Variants in OTOF observed in about 807,000 individuals in gnomAD.
The protein encoded by OTOF is otoferlin.
Under a neutral mutation model 236.8 loss-of-function variants are expected in OTOF, and 218 were observed. The ratio of observed to expected loss-of-function variants is 0.92; its 90% CI spans 0.82 to 1.03. The LOEUF (loss-of-function observed/expected upper bound fraction) is 1.03. Ranked by LOEUF, OTOF falls within the 50% of genes least tolerant of loss-of-function variation. OTOF has a pLI of 0.00. For synonymous variants in OTOF, 1,041 were observed against 1,072.5 expected (o/e 0.97, Z 0.57); for missense variants, 2,590 against 2,694.4 (o/e 0.96, Z 0.86).
At position 26,473,864 on chromosome 2, in the gene OTOF, G is replaced by A; in HGVS notation, c.3408+127C>T. ...TGCAGATGGGGGCAGGCCCTGGGCTGGGGCAGGAGCCTGGGTCTGCTGCTG... is the reference window on the plus strand; with the variant it reads ...TGCAGATGGGGGCAGGCCCTGGGCTAGGGCAGGAGCCTGGGTCTGCTGCTG... On this transcript the variant is annotated intron_variant, in intron 27 of 46. Coordinates refer to ENST00000272371, the MANE Select transcript of OTOF (RefSeq NM_194248.3). This position sits in a 1 kb window ranked among gnomAD's most constrained non-coding sequence, Gnocchi z 7.2. The A allele has an allele frequency of 7.7e-7, 1 of 1,291,608 alleles. No homozygotes were observed. Among genetic ancestry groups the A allele is most frequent in the Non-Finnish European group, 1.1e-6 (1 of 893,232 alleles). 80.0% of individuals were successfully genotyped at this position (1,291,608 alleles called of 1,614,324 possible). A position where few individuals can be genotyped will look rare whatever the true frequency, so the allele number is the denominator to read the frequency against.
At chr2:26,532,873 G>C (rs4665872) in intron 2 of OTOF, among the ~76,000 whole-genome samples, 107,395 of 152,078 alleles carry the variant, frequency 0.71, 39,371 homozygotes, top group African/African-American at 0.84. Flanking sequence ...TGGCCGCTGA[G>C]TGGGCCTGGA....
chr2:26,465,010 G>A lies in OTOF; in HGVS notation c.4819C>T (p.Arg1607Trp), dbSNP rs397515603. 5.4e-6 allele frequency: 8 copies of A among 1,488,182 alleles called. No individual in the cohort carries two copies. Among genetic ancestry groups the A allele is most frequent in the African/African-American group, 2.9e-5 (2 of 69,878 alleles). The allele number at this position is 1,488,182 out of a possible 1,614,324, so 92.2% of individuals were successfully genotyped here. ...ATCTGGCTGGGCTTCATGGGGTCCC[G>A]CCAGATATTGTAGCCATGTCTGTGG... ...TYSTHGYNIWRDPMKPSQILT... is the reference protein window; with the variant it reads ...TYSTHGYNIWWDPMKPSQILT... The change falls in exon 39 of 47, where the codon CGG becomes TGG. Residue 1607 changes from arginine (R) to tryptophan (W), a missense_variant. This residue lies in a region of OTOF where 1,211 missense variants were observed against 1,352.8 expected (regional missense o/e 0.90). Transcript: ENST00000272371.
intron 5 of OTOF, among the ~76,000 whole-genome samples, chr2:26,505,241 T>C (rs1666218532): frequency 6.6e-6 from 1 of 152,160 alleles, no homozygotes; most frequent in African/African-American, 2.4e-5. Context: ...AGCATGTTCT[T>C]TGAATTCCTA....
chr2:26,477,929 A>G lies in OTOF; in HGVS notation c.2215-180T>C, dbSNP rs1281202229. Reference sequence around the variant, plus strand: ...TCAATTTCCCAGGTTCTGTTCTCAGAACCTGGAGATGTTGGTGTTCATGGG... The same window carrying G: ...TCAATTTCCCAGGTTCTGTTCTCAGGACCTGGAGATGTTGGTGTTCATGGG... On this transcript the variant is annotated intron_variant, in intron 18 of 46. Coordinates refer to ENST00000272371, the MANE Select transcript of OTOF (RefSeq NM_194248.3). The surrounding 1 kb of genome is among the most constrained non-coding windows in gnomAD (Gnocchi z 4.7). 1 of 1,487,152 alleles carries G rather than the reference A, an allele frequency of 6.7e-7. No individual in the cohort carries two copies. Among genetic ancestry groups the G allele is most frequent in the South Asian group, 1.3e-5 (1 of 75,958 alleles). The allele number at this position is 1,487,152 out of a possible 1,614,324, so 92.1% of individuals were successfully genotyped here.
At position 26,483,539 on chromosome 2, in the gene OTOF, T is replaced by G; in HGVS notation, c.1315A>C (p.Asn439His). The change falls in exon 13 of 47, where the codon AAT becomes CAT. Residue 439 changes from asparagine (N) to histidine (H), a missense_variant. Physicochemically the swap from Asn to His is moderately conservative, Grantham distance 68 (BLOSUM62 1). Around this residue, in one of 2 missense-constraint regions of OTOF, gnomAD observed 1,379 missense variants for 1,341.6 expected, o/e 1.03. Coordinates refer to ENST00000272371, the MANE Select transcript of OTOF (RefSeq NM_194248.3). ...TCACCGATGAAAGCCTTCTTTACAT[T>G]GGCCATGAGGCTTGTGTTCATACGG... ...LPRMNTSLMANVKKAFIGENK... is the reference protein window; with the variant it reads ...LPRMNTSLMAHVKKAFIGENK... 6.2e-7 allele frequency: 1 copy of G among 1,614,000 alleles called. No individual in the cohort carries two copies. Among genetic ancestry groups the G allele is most frequent in the Non-Finnish European group, 8.5e-7 (1 of 1,180,002 alleles).
intron 1 of OTOF, among the ~76,000 whole-genome samples, chr2:26,539,001 C>T (rs1237649313): frequency 1.3e-5 from 2 of 151,892 alleles, no homozygotes; most frequent in Admixed American, 6.6e-5. Flanking sequence ...TTAGTAGAGA[C>T]GGGGTTTCAC....
At chr2:26,483,864 G>A (rs553573825) in intron 12 of OTOF, among the ~76,000 whole-genome samples, 129 of 152,358 alleles carry the variant, frequency 8.5e-4, no homozygotes, top group Admixed American at 2.1e-3. Context: ...CTGTTGAGGT[G>A]GCTGTAATAA....
Position 26,537,706 on chromosome 2 carries a change from G to T in OTOF, c.138+10C>A. 6.5e-7 allele frequency: 1 copy of T among 1,550,300 alleles called. No individual in the cohort carries two copies. Among genetic ancestry groups the T allele is most frequent in the South Asian group, 1.2e-5 (1 of 84,070 alleles). Reference sequence around the variant, plus strand: ...AGGGCTGAGGGAGGGGGGAGTCTTGGGCCTCCTACCTCATCAAAGTCAGCC... The same window carrying T: ...AGGGCTGAGGGAGGGGGGAGTCTTGTGCCTCCTACCTCATCAAAGTCAGCC... On this transcript the variant is annotated intron_variant, in intron 2 of 46. Transcript: ENST00000272371.
intron 14 of OTOF, 102 bp downstream of exon 14, chr2:26,482,304 C>G (rs961915256): frequency 2.4e-5 from 27 of 1,143,292 alleles, no homozygotes; most frequent in Non-Finnish European, 3.4e-5. Context: ...AGGCTGAGGA[C>G]CAGAGCTGAT....
chr2:26,558,116 C>T (rs1157551835), intron 1 of OTOF, among the ~76,000 whole-genome samples: 1 of 151,930 alleles, frequency 6.6e-6, no homozygotes, highest in Non-Finnish European at 1.5e-5. Flanking sequence ...GGCCCCCACC[C>T]TGTGCTCAAG....
rs1310422187 is a variant in OTOF at position 26,480,914 on chromosome 2, G to A, written c.1675C>T (p.Leu559=). ...GCCCGGAAGGACACACCCTCCCCCA[G>A]GCCCTCGTTCAGGTCCTGATGCTCA... ...LDEHQDLNEG[L]GEGVSFRARL... is the part of the protein sequence containing the mutation. Residue 559 remains leucine, a synonymous_variant, in exon 15 of 47, where the codon CTG becomes TTG. Coordinates refer to ENST00000272371, the MANE Select transcript of OTOF (RefSeq NM_194248.3). 6.2e-7 allele frequency: 1 copy of A among 1,612,924 alleles called. No individual in the cohort carries two copies. The highest frequency in any genetic ancestry group is 2.2e-5 in the East Asian group (1 of 44,898).
chr2:26,520,358 G>A (rs917483524), intron 3 of OTOF, among the ~76,000 whole-genome samples: 3 of 152,164 alleles, frequency 2.0e-5, no homozygotes, highest in Non-Finnish European at 4.4e-5. Context: ...GATGAATTCT[G>A]ACTCAGACAT....
chr2:26,472,378 T>A (rs1375172241), intron 30 of OTOF, 141 bp downstream of exon 30: 1 of 1,041,634 alleles, frequency 9.6e-7, no homozygotes, highest in African/African-American at 1.6e-5. Flanking sequence ...GGACACACAA[T>A]CAAGCTCAGC....
intron 8 of OTOF, among the ~76,000 whole-genome samples, chr2:26,500,664 C>T (rs1666095079): frequency 6.6e-6 from 1 of 152,164 alleles, no homozygotes; most frequent in Non-Finnish European, 1.5e-5. Flanking sequence ...CCTGGGAAGA[C>T]AGTTGCCTGA....
intron 36 of OTOF, chr2:26,466,467 G>T: frequency 1.8e-6 from 1 of 548,054 alleles, no homozygotes; most frequent in Non-Finnish European, 3.3e-6. Flanking sequence ...CTCCTCAGTA[G>T]CTGGGATTAC....
chr2:26,481,640 A>G (rs1413514200), intron 14 of OTOF, among the ~76,000 whole-genome samples: 1 of 152,196 alleles, frequency 6.6e-6, no homozygotes, highest in Admixed American at 6.5e-5. Flanking sequence ...TCACCCTTTT[A>G]AAGTGTACAT....
At position 26,498,150 on chromosome 2, in the gene OTOF, GT is replaced by G. The variant is rs555527907; in HGVS notation, c.766-3078del. Among the ~76,000 whole-genome samples the G allele has an allele frequency of 1.5e-3, 236 of 152,298 alleles. 1 individual carries two copies. Among genetic ancestry groups the G allele is most frequent in the Non-Finnish European group, 2.9e-3 (195 of 68,022 alleles). On this transcript the variant is annotated intron_variant, in intron 8 of 46. Transcript: ENST00000272371. ...GCCATAAGACAGGCTACTTCTCCCT[GT>G]CCCCCTTTTCAGGCCTCATACGTTT...
At chr2:26,543,116 C>G (rs1348118278) in intron 1 of OTOF, among the ~76,000 whole-genome samples, 1 of 152,188 alleles carries the variant, frequency 6.6e-6, no homozygotes. Flanking sequence ...GTCTCCTCTC[C>G]CTCTCTTCCT....
Position 26,467,100 on chromosome 2 carries a change from T to C in OTOF, c.4361A>G (p.Lys1454Arg). ...TEEERIVGRF[K>R]GSLCVYKVPL... ...CTGGGCCCGTGCTCCTGGCCTGACC[T>C]TGAAGCGTCCCACAATGCGCTCCTC... is the stretch of plus-strand genomic sequence containing the variant. Residue 1454 changes from lysine to arginine, a missense_variant and splice_region_variant, in exon 35 of 47, where the codon AAG becomes AGG. Lys to Arg is a conservative substitution (Grantham distance 26). Coordinates refer to ENST00000272371, the MANE Select transcript of OTOF (RefSeq NM_194248.3). 6.2e-7 allele frequency: 1 copy of C among 1,613,126 alleles called. No individual in the cohort carries two copies. The highest frequency in any genetic ancestry group is 8.5e-7 in the Non-Finnish European group (1 of 1,179,958).
Sources: gnomAD v4.1 joint callset for allele counts (sites outside exome capture counted in the v4.1 genomes callset) on GRCh38, gnomAD v4.1.1 for gene constraint, gnomAD v4.1.1 regional missense constraint, Gnocchi (gnomAD v3.1) non-coding constraint, MANE v1.5 for transcripts, NCBI Gene and HGNC (gene_info 2026-07-23, HGNC 2026-07-21) for gene names.